The following MYBL2 variants were observed in gnomAD, a reference collection of about 807,000 sequenced individuals.
MYBL2 encodes the protein myb-related protein B.
Under a neutral mutation model 79.9 loss-of-function variants are expected in MYBL2, and 28 were observed. The observed-to-expected ratio is 0.35, with a 90% confidence interval of 0.26 to 0.48. The LOEUF (loss-of-function observed/expected upper bound fraction) is 0.48, where lower values mean the gene tolerates loss of function less well. MYBL2 is among the 20% of genes least tolerant of loss of function. The pLI is 0.99. For missense variants in MYBL2, 735 were observed against 893.9 expected, an observed-to-expected ratio of 0.82 and a Z score of 2.27; for synonymous variants, 378 against 361.2, an observed-to-expected ratio of 1.05 and a Z score of -0.53.
intron 5 of MYBL2, among the ~76,000 whole-genome samples, chr20:43,689,798 C>CT (rs1405529221): frequency 2.6e-5 from 4 of 152,204 alleles, no homozygotes; most frequent in African/African-American, 9.6e-5. Context: ...ACAATAATGC[C>CT]TGGCACACAG....
At chr20:43,708,938 G>C (rs1038882807) in intron 9 of MYBL2, among the ~76,000 whole-genome samples, 2 of 152,200 alleles carry the variant, frequency 1.3e-5, no homozygotes, top group African/African-American at 4.8e-5. Flanking sequence ...ATCTCTGTGT[G>C]TCCCAGATGG....
At chr20:43,668,085 C>T (rs1411924420) in intron 1 of MYBL2, among the ~76,000 whole-genome samples, 1 of 151,916 alleles carries the variant, frequency 6.6e-6, no homozygotes, top group African/African-American at 2.4e-5. Context: ...TACACCTGTG[C>T]GCCTGGGGCC....
intron 6 of MYBL2, 36 bp from the exon 7 acceptor site, chr20:43,699,721 A>G (rs1460237472): frequency 1.9e-6 from 3 of 1,608,342 alleles, no homozygotes; most frequent in Non-Finnish European, 2.5e-6. Flanking sequence ...TCTATATCTC[A>G]GCGAAATGCA....
intron 5 of MYBL2, 117 bp from the exon 6 acceptor site, chr20:43,692,040 A>G (rs1306502164): frequency 5.5e-6 from 5 of 902,784 alleles, no homozygotes; most frequent in Non-Finnish European, 3.5e-6. Context: ...CTTAGAGTTC[A>G]TCTAGTGGAA....
Position 43,716,221 on chromosome 20 carries a change from A to T in MYBL2, c.*134A>T. 462 of 1,327,494 alleles carry T rather than the reference A, an allele frequency of 3.5e-4. No homozygotes were observed. Among genetic ancestry groups the T allele is most frequent in the East Asian group, 1.4e-3 (52 of 36,728 alleles). 82.2% of individuals were successfully genotyped at this position (1,327,494 alleles called of 1,614,324 possible). Reference sequence around the variant, plus strand: ...GCCACCAGCCCCTCCCCAGACTCTCAGGTGGAGGCAACAGGGCCATGTGCT... The same window carrying T: ...GCCACCAGCCCCTCCCCAGACTCTCTGGTGGAGGCAACAGGGCCATGTGCT... On this transcript the variant is annotated 3_prime_UTR_variant, in exon 14 of 14. Coordinates refer to ENST00000217026, the MANE Select transcript of MYBL2 (RefSeq NM_002466.4).
intron 4 of MYBL2, among the ~76,000 whole-genome samples, chr20:43,684,205 G>A (rs936660672): frequency 6.6e-6 from 1 of 150,544 alleles, no homozygotes; most frequent in African/African-American, 2.4e-5. Context: ...GGGATTGTAG[G>A]TATGAGCCAC....
At chr20:43,686,029 C>T (rs1476369267) in intron 4 of MYBL2, among the ~76,000 whole-genome samples, 1 of 151,602 alleles carries the variant, frequency 6.6e-6, no homozygotes, top group Non-Finnish European at 1.5e-5. Flanking sequence ...AAGAGCAAAA[C>T]TTCGTCTCAA....
intron 8 of MYBL2, 81 bp downstream of exon 8, chr20:43,702,984 G>A (rs1215402524): frequency 1.6e-5 from 23 of 1,429,522 alleles, no homozygotes; most frequent in Admixed American, 1.5e-4. Context: ...TGAGCAAAAC[G>A]AGACCTGGCT....
intron 2 of MYBL2, among the ~76,000 whole-genome samples, chr20:43,674,774 C>T (rs1025312831): frequency 6.6e-6 from 1 of 151,656 alleles, no homozygotes; most frequent in East Asian, 1.9e-4. Flanking sequence ...CCAGGTGATC[C>T]ACCTGCCTCG....
At chr20:43,711,164 A>G (rs931891470) in intron 10 of MYBL2, among the ~76,000 whole-genome samples, 2 of 152,084 alleles carry the variant, frequency 1.3e-5, no homozygotes, top group Non-Finnish European at 2.9e-5. Context: ...CAGCTGTGTG[A>G]CTGTGTGCCA....
At position 43,667,282 on chromosome 20, in the gene MYBL2, G is replaced by C; in HGVS notation, c.-2G>C. 8 of 1,227,474 alleles carry C rather than the reference G, an allele frequency of 6.5e-6. No individual in the cohort carries two copies. Among genetic ancestry groups the C allele is most frequent in the South Asian group, 4.1e-5 (1 of 24,272 alleles). The allele number at this position is 1,227,474 out of a possible 1,614,324, so 76.0% of individuals were successfully genotyped here. A position where few individuals can be genotyped will look rare whatever the true frequency, so the allele number is the denominator to read the frequency against. ...GAGCGCGGCGCGGTCCGGGCCGGGGGGATGTCTCGGCGGACGCGCTGGTGA... is the reference window on the plus strand; with the variant it reads ...GAGCGCGGCGCGGTCCGGGCCGGGGCGATGTCTCGGCGGACGCGCTGGTGA... On this transcript the variant is annotated 5_prime_UTR_variant, in exon 1 of 14. Transcript: ENST00000217026.
chr20:43,682,670 C>T, intron 3 of MYBL2, 124 bp from the exon 4 acceptor site: 1 of 817,400 alleles, frequency 1.2e-6, no homozygotes, highest in East Asian at 2.5e-5. Flanking sequence ...TGGAACAGGA[C>T]ACACCTACCC....
At chr20:43,670,542 T>C (rs2145704155) in intron 1 of MYBL2, among the ~76,000 whole-genome samples, 1 of 152,258 alleles carries the variant, frequency 6.6e-6, no homozygotes, top group Middle Eastern at 3.4e-3. Context: ...GTATATTCAG[T>C]CAGTCCCTGG....
chr20:43,714,581 A>ATT (rs111908210), intron 12 of MYBL2, among the ~76,000 whole-genome samples: 21 of 147,376 alleles, frequency 1.4e-4, no homozygotes, highest in African/African-American at 5.0e-4. Context: ...TGATTACTTG[A>ATT]TTTTTTTTTT....
chr20:43,711,057 G>A (rs1380131816), intron 10 of MYBL2, among the ~76,000 whole-genome samples: 3 of 152,140 alleles, frequency 2.0e-5, no homozygotes, highest in Admixed American at 6.6e-5. Flanking sequence ...TTGGAACCCC[G>A]AGGCCTGAGA....
At chr20:43,671,424 G>A (rs1986851813) in intron 1 of MYBL2, among the ~76,000 whole-genome samples, 3 of 150,298 alleles carry the variant, frequency 2.0e-5, no homozygotes, top group African/African-American at 7.4e-5. Context: ...CCAAAGTGCT[G>A]GGATTACAGG....
At chr20:43,686,581 A>T (rs529661575) in intron 4 of MYBL2, among the ~76,000 whole-genome samples, 1 of 152,126 alleles carries the variant, frequency 6.6e-6, no homozygotes, top group South Asian at 2.1e-4. Context: ...CCCCCACTTG[A>T]TCTCTACTCT....
chr20:43,715,145 C>G lies in MYBL2; in HGVS notation c.1836C>G (p.Ala612=). The change falls in exon 13 of 14, where the codon GCC becomes GCG. Residue 612 remains alanine (A), a synonymous_variant. Coordinates refer to ENST00000217026, the MANE Select transcript of MYBL2 (RefSeq NM_002466.4). ...LPKSLSLPTT[A]PSNSSSLTLS... Reference sequence around the variant, plus strand: ...GGTTTTGGTTTCAGCCGACAACTGCCCCTTCAAACTCTTCCAGCCTCACCC... The same window carrying G: ...GGTTTTGGTTTCAGCCGACAACTGCGCCTTCAAACTCTTCCAGCCTCACCC... 5 of 1,614,164 alleles carry G rather than the reference C, an allele frequency of 3.1e-6. No individual in the cohort carries two copies. Among genetic ancestry groups the G allele is most frequent in the Non-Finnish European group, 4.2e-6 (5 of 1,180,034 alleles).
intron 5 of MYBL2, among the ~76,000 whole-genome samples, chr20:43,687,961 G>A (rs1452374376): frequency 2.1e-5 from 3 of 145,032 alleles, no homozygotes; most frequent in Admixed American, 1.4e-4. Context: ...GCAGTGAGCC[G>A]AGATCATATC....
Sources: allele counts gnomAD v4.1 joint callset (sites outside exome capture counted in the v4.1 genomes callset), GRCh38; gene constraint gnomAD v4.1.1; transcripts MANE v1.5; gene names NCBI Gene and HGNC (gene_info 2026-07-23, HGNC 2026-07-21).